The following SORCS3 variants were observed in gnomAD, a reference collection of about 807,000 sequenced individuals.
SORCS3 encodes the protein sortilin related VPS10 domain containing receptor 3, also known as VPS10 domain-containing receptor SorCS3.
In SORCS3, 57 loss-of-function variants were observed where a neutral mutation model predicts 146.3. The ratio of observed to expected loss-of-function variants is 0.39; its 90% CI spans 0.31 to 0.49. The LOEUF (loss-of-function observed/expected upper bound fraction) is 0.49. Among genes scored for constraint, SORCS3 ranks in the 20% least tolerant of loss-of-function variants. The probability of loss-of-function intolerance (pLI) is 0.92; values close to 1 mark genes in which losing one functional copy is unlikely to be tolerated. For missense variants in SORCS3, 1,341 were observed against 1,575.5 expected (o/e 0.85, Z 2.52); for synonymous variants, 653 against 618.5 (o/e 1.06, Z -0.83).
In SORCS3 at chr10:105,158,933, T is replaced by C. The variant is rs754159384; in HGVS notation, c.1671T>C (p.Asn557=). The C allele has an allele frequency of 3.1e-6, 5 of 1,613,250 alleles. No individual in the cohort carries two copies. The highest frequency in any genetic ancestry group is 4.2e-6 in the Non-Finnish European group (5 of 1,179,336). Reference sequence around the variant, plus strand: ...ATCTGCACCTGCAACTCTCTGAAAATCCATATTCCTCAGGAAGAATCTCTA... The same window carrying C: ...ATCTGCACCTGCAACTCTCTGAAAACCCATATTCCTCAGGAAGAATCTCTA... ...SLHLHLQLSE[N]PYSSGRISSK... is the part of the protein sequence containing the mutation. Residue 557 remains asparagine, a synonymous_variant, in exon 11 of 27, where the codon AAT becomes AAC. Transcript: ENST00000369701.
chr10:104,697,089 T>A (rs891863270), intron 1 of SORCS3, among the ~76,000 whole-genome samples: 3 of 152,004 alleles, frequency 2.0e-5, no homozygotes, highest in African/African-American at 7.2e-5. Context: ...ATTTTGGTAA[T>A]CATCACATTG....
chr10:104,707,809 C>T (rs1015606059), intron 1 of SORCS3, among the ~76,000 whole-genome samples: 2 of 152,156 alleles, frequency 1.3e-5, no homozygotes, highest in Non-Finnish European at 1.5e-5. Flanking sequence ...GCTTCCCTTC[C>T]CCCATCCCCA....
At chr10:104,761,125 G>A (rs1453993347) in intron 1 of SORCS3, among the ~76,000 whole-genome samples, 1 of 152,144 alleles carries the variant, frequency 6.6e-6, no homozygotes, top group Non-Finnish European at 1.5e-5. Context: ...ATCTTCAAAA[G>A]CCTTAGTACA....
chr10:104,722,879 A>G (rs1199627345), intron 1 of SORCS3, among the ~76,000 whole-genome samples: 2 of 151,508 alleles, frequency 1.3e-5, no homozygotes, highest in South Asian at 4.2e-4. Flanking sequence ...TTTCTTCTTT[A>G]TTAGTCTTGC....
At chr10:104,763,815 G>A (rs2017149930) in intron 1 of SORCS3, among the ~76,000 whole-genome samples, 1 of 152,124 alleles carries the variant, frequency 6.6e-6, no homozygotes, top group South Asian at 2.1e-4. Context: ...CCTGCATGCT[G>A]TTCTCCTAAT....
At chr10:105,192,162 C>T (rs1468159898) in intron 14 of SORCS3, among the ~76,000 whole-genome samples, 7 of 152,008 alleles carry the variant, frequency 4.6e-5, no homozygotes, top group African/African-American at 7.2e-5. Context: ...GAAACAAAAC[C>T]GTGAGTTCTT....
chr10:105,163,565 A>C (rs565070381), intron 11 of SORCS3, among the ~76,000 whole-genome samples: 2 of 152,138 alleles, frequency 1.3e-5, no homozygotes, highest in Non-Finnish European at 2.9e-5. Flanking sequence ...ATCAATATAG[A>C]TGGACTAGAA....
intron 4 of SORCS3, among the ~76,000 whole-genome samples, chr10:104,978,856 CA>C (rs1272207921): frequency 1.3e-5 from 2 of 152,082 alleles, no homozygotes; most frequent in Non-Finnish European, 2.9e-5. Context: ...AACTAAAGAC[CA>C]CAGTCCCCAG....
chr10:105,088,502 A>G lies in SORCS3; in HGVS notation c.1029-1273A>G, dbSNP rs557250155. 3.9e-5 allele frequency among the ~76,000 whole-genome samples: 6 copies of G among 151,946 alleles called. No individual in the cohort carries two copies. The South Asian group carries it at 1.2e-3, about 32-fold the overall frequency. On this transcript the variant is annotated intron_variant, in intron 5 of 26. Transcript: ENST00000369701. ...AAAATCATTTTAGTTTTTCTAAAAC[A>G]TACCACTTGCTGCCGAAGTAATAAT...
At chr10:105,122,027 G>A (rs2055937402) in intron 7 of SORCS3, among the ~76,000 whole-genome samples, 1 of 152,040 alleles carries the variant, frequency 6.6e-6, no homozygotes, top group Non-Finnish European at 1.5e-5. Flanking sequence ...CCTTCCACAT[G>A]CCAGCAAGTC....
chr10:105,071,640 T>A (rs1301602588), intron 5 of SORCS3, among the ~76,000 whole-genome samples: 1 of 152,194 alleles, frequency 6.6e-6, no homozygotes, highest in Non-Finnish European at 1.5e-5. Context: ...AGGGTATCGA[T>A]CCCGTCAAGC....
At chr10:105,014,993 C>A (rs1432647782) in intron 4 of SORCS3, among the ~76,000 whole-genome samples, 1 of 152,134 alleles carries the variant, frequency 6.6e-6, no homozygotes, top group East Asian at 1.9e-4. Context: ...CTACAGCAGT[C>A]TAAATGGACT....
chr10:105,061,111 A>T (rs557971516), intron 5 of SORCS3, among the ~76,000 whole-genome samples: 21 of 152,258 alleles, frequency 1.4e-4, no homozygotes, highest in African/African-American at 4.6e-4. Context: ...TAGACTTTAC[A>T]AATAATTTTT....
chr10:104,715,655 C>T (rs939375073), intron 1 of SORCS3, among the ~76,000 whole-genome samples: 7 of 152,126 alleles, frequency 4.6e-5, no homozygotes, highest in African/African-American at 1.4e-4. Context: ...GTTTTTGAAT[C>T]TCATTGTTTT....
chr10:105,240,819 C>T (rs1043927942), intron 20 of SORCS3, among the ~76,000 whole-genome samples: 1 of 152,042 alleles, frequency 6.6e-6, no homozygotes. Flanking sequence ...CCTTCTCAGT[C>T]AATCTCCAGT....
intron 2 of SORCS3, among the ~76,000 whole-genome samples, chr10:104,858,154 T>C (rs1272135257): frequency 2.0e-5 from 3 of 152,196 alleles, no homozygotes; most frequent in African/African-American, 7.2e-5. Context: ...ATTTTACTAA[T>C]AAAAAATGTT....
At chr10:105,020,952 C>T (rs56872857) in intron 4 of SORCS3, among the ~76,000 whole-genome samples, 2,228 of 152,274 alleles carry the variant, frequency 0.015, 49 homozygotes, top group African/African-American at 0.05. Flanking sequence ...GTAATTATTG[C>T]AAGCATCACC....
chr10:105,070,462 C>A (rs888684259), intron 5 of SORCS3, among the ~76,000 whole-genome samples: 3 of 152,184 alleles, frequency 2.0e-5, no homozygotes, highest in African/African-American at 7.2e-5. Context: ...AGATCTGAAT[C>A]AGATATATGT....
At chr10:105,148,024 A>G (rs1289972002) in intron 9 of SORCS3, among the ~76,000 whole-genome samples, 1 of 152,110 alleles carries the variant, frequency 6.6e-6, no homozygotes, top group Non-Finnish European at 1.5e-5. Context: ...TACTGCATCT[A>G]GTGTAGTGGC....
Sources: gnomAD v4.1 joint callset for allele counts (sites outside exome capture counted in the v4.1 genomes callset) on GRCh38, gnomAD v4.1.1 for gene constraint, MANE v1.5 for transcripts, NCBI Gene and HGNC (gene_info 2026-07-23, HGNC 2026-07-21) for gene names.